AMN1: variants seen among roughly 807,000 people sequenced by gnomAD.
AMN1 encodes the protein antagonist of mitotic exit network 1 homolog.
In AMN1, 20 loss-of-function variants were observed where a neutral mutation model predicts 33.0. That is an observed-to-expected ratio of 0.61 (90% CI 0.43 to 0.88). AMN1 has a LOEUF of 0.88. AMN1 is among the 40% of genes least tolerant of loss of function. The pLI is 0.00. For missense variants in AMN1, 246 were observed against 307.4 expected, an observed-to-expected ratio of 0.80 and a Z score of 1.49; for synonymous variants, 114 against 111.9, an observed-to-expected ratio of 1.02 and a Z score of -0.12.
chr12:31,687,078 A>C lies in AMN1; in HGVS notation c.703+1929T>G, dbSNP rs1243776260. On this transcript the variant is annotated intron_variant, in intron 6 of 6. Transcript: ENST00000281471. The surrounding 1 kb of genome is among the most constrained non-coding windows in gnomAD (Gnocchi z 4.1). ...CAGACTGGGGTGCAGTGGGGTGATCATGGCTCACTGCAGCTTCGACCTCCC... is the reference window on the plus strand; with the variant it reads ...CAGACTGGGGTGCAGTGGGGTGATCCTGGCTCACTGCAGCTTCGACCTCCC... Among the ~76,000 whole-genome samples, 1 of 151,752 alleles carries C rather than the reference A, an allele frequency of 6.6e-6. No individual in the cohort carries two copies. Among genetic ancestry groups the C allele is most frequent in the Non-Finnish European group, 1.5e-5 (1 of 67,972 alleles).
At chr12:31,712,186 C>A (rs1414930033) in intron 1 of AMN1, among the ~76,000 whole-genome samples, 1 of 152,124 alleles carries the variant, frequency 6.6e-6, no homozygotes, top group Non-Finnish European at 1.5e-5. Context: ...AAGAGATCCT[C>A]CTGCCTCAGC....
intron 5 of AMN1, among the ~76,000 whole-genome samples, chr12:31,690,940 C>T (rs527539408): frequency 4.6e-5 from 7 of 152,136 alleles, no homozygotes; most frequent in African/African-American, 1.4e-4. Flanking sequence ...CCGAGACCAT[C>T]CTGGCTAACA....
At chr12:31,722,325 G>A (rs1939908950) in intron 1 of AMN1, among the ~76,000 whole-genome samples, 1 of 152,156 alleles carries the variant, frequency 6.6e-6, no homozygotes, top group Non-Finnish European at 1.5e-5. Flanking sequence ...ACAATGATAT[G>A]TCTTTTACTG....
intron 3 of AMN1, 89 bp downstream of exon 3, chr12:31,701,772 ACT>A (rs1939013455): frequency 3.7e-6 from 4 of 1,074,786 alleles, no homozygotes; most frequent in African/African-American, 1.6e-5. Context: ...ACTTCTTCAT[ACT>A]CTCTTTTGAC....
intron 1 of AMN1, among the ~76,000 whole-genome samples, chr12:31,718,937 C>T (rs7135242): frequency 0.013 from 2,054 of 152,372 alleles, 46 homozygotes; most frequent in African/African-American, 0.047. Context: ...CATCCCAGGT[C>T]GATCTCAGAC....
chr12:31,720,135 T>G (rs2139728115), intron 1 of AMN1, among the ~76,000 whole-genome samples: 1 of 152,368 alleles, frequency 6.6e-6, no homozygotes, highest in South Asian at 2.1e-4. Context: ...ATTAATCATT[T>G]TACAGTGTGC....
chr12:31,674,721 CAAAG>C (rs1289238683), intron 6 of AMN1, among the ~76,000 whole-genome samples: 1 of 151,776 alleles, frequency 6.6e-6, no homozygotes, highest in Non-Finnish European at 1.5e-5. Context: ...TCTCAATAGA[CAAAG>C]AAACACCAAT....
chr12:31,699,161 C>T (rs1246959291), intron 3 of AMN1, among the ~76,000 whole-genome samples: 3 of 151,732 alleles, frequency 2.0e-5, no homozygotes, highest in Non-Finnish European at 4.4e-5. Context: ...GAGGCCGAGG[C>T]GGGCAGATTA....
intron 5 of AMN1, among the ~76,000 whole-genome samples, chr12:31,695,395 A>G (rs1394431830): frequency 6.6e-6 from 1 of 152,214 alleles, no homozygotes; most frequent in Admixed American, 6.5e-5. Flanking sequence ...TTTGCACTTA[A>G]AATACCAAAA....
At chr12:31,682,393 C>A (rs924697442) in intron 6 of AMN1, among the ~76,000 whole-genome samples, 3 of 151,840 alleles carry the variant, frequency 2.0e-5, no homozygotes, top group Non-Finnish European at 4.4e-5. Flanking sequence ...ATGAGACCTT[C>A]CAAAGGCAGC....
intron 1 of AMN1, 113 bp from the exon 2 acceptor site, chr12:31,709,538 GC>G: frequency 7.4e-7 from 1 of 1,353,900 alleles, no homozygotes; most frequent in Non-Finnish European, 9.9e-7. Context: ...GTACATTTTG[GC>G]TGGGTGTGGT....
At position 31,672,345 on chromosome 12, in the gene AMN1, C is replaced by T. The variant is rs767926580; in HGVS notation, c.736G>A (p.Gly246Ser). Residue 246 changes from glycine to serine, a missense_variant, in exon 7 of 7, where the codon GGC becomes AGC. Gly to Ser is a moderately conservative substitution (Grantham distance 56). Transcript: ENST00000281471. ...GTCACTTGCTTTAGTTTGTTTGGGC[C>T]TACTAATTGCTCCAACACTTCTCGG... is the stretch of plus-strand genomic sequence containing the variant. ...HSREVLEQLV[G>S]PNKLKQVTWT... The T allele has an allele frequency of 1.9e-6, 3 of 1,578,380 alleles. No individual in the cohort carries two copies. In the South Asian group the frequency reaches 3.5e-5, roughly 18 times the overall value.
intron 1 of AMN1, among the ~76,000 whole-genome samples, chr12:31,711,133 T>C (rs1466434782): frequency 6.6e-6 from 1 of 152,058 alleles, no homozygotes; most frequent in Non-Finnish European, 1.5e-5. Flanking sequence ...TGGTCCAAAC[T>C]CCTCACTTGG....
intron 5 of AMN1, among the ~76,000 whole-genome samples, chr12:31,694,607 G>A (rs1938642735): frequency 6.6e-6 from 1 of 151,992 alleles, no homozygotes; most frequent in East Asian, 1.9e-4. Flanking sequence ...GTAGCCAGGA[G>A]TGGGGGCACA....
At chr12:31,707,581 T>C (rs1005461920) in intron 2 of AMN1, among the ~76,000 whole-genome samples, 3 of 152,188 alleles carry the variant, frequency 2.0e-5, no homozygotes, top group African/African-American at 7.2e-5. Flanking sequence ...AATGAATTGT[T>C]TGATAACCCT....
intron 1 of AMN1, among the ~76,000 whole-genome samples, chr12:31,726,810 C>T (rs1441979478): frequency 6.6e-6 from 1 of 152,150 alleles, no homozygotes; most frequent in African/African-American, 2.4e-5. Flanking sequence ...ACCTAGGGAC[C>T]ACACTCTAGC....
At chr12:31,726,557 G>T (rs1940078277) in intron 1 of AMN1, among the ~76,000 whole-genome samples, 1 of 152,338 alleles carries the variant, frequency 6.6e-6, no homozygotes, top group African/African-American at 2.4e-5. Context: ...GTGTTAAAGT[G>T]CTGGTCAGTG....
intron 1 of AMN1, among the ~76,000 whole-genome samples, chr12:31,726,440 C>T (rs1170890582): frequency 3.9e-5 from 6 of 152,234 alleles, no homozygotes; most frequent in African/African-American, 1.4e-4. Context: ...GGGTTACAGG[C>T]GTGAGCCACG....
At chr12:31,728,437 C>T (rs1013283332) in intron 1 of AMN1, among the ~76,000 whole-genome samples, 5 of 152,172 alleles carry the variant, frequency 3.3e-5, no homozygotes, top group South Asian at 2.1e-4. Flanking sequence ...AGATAAAGAA[C>T]CTAGGCACAG....
Sources: allele counts gnomAD v4.1 joint callset (sites outside exome capture counted in the v4.1 genomes callset), GRCh38; gene constraint gnomAD v4.1.1; non-coding constraint Gnocchi (gnomAD v3.1); transcripts MANE v1.5; gene names NCBI Gene and HGNC (gene_info 2026-07-23, HGNC 2026-07-21).